MED13: variants seen among roughly 807,000 people sequenced by gnomAD.
MED13 encodes the protein mediator complex subunit 13, also known as mediator of RNA polymerase II transcription subunit 13.
Under a neutral mutation model 225.2 loss-of-function variants are expected in MED13, and 23 were observed. The observed-to-expected ratio is 0.10, with a 90% CI of 0.07 to 0.14. The LOEUF is 0.14. Ranked by LOEUF, MED13 falls within the 10% of genes least tolerant of loss-of-function variation. The pLI is 1.00. For missense variants in MED13, 2,197 were observed against 2,594.5 expected (o/e 0.85, Z 3.33); for synonymous variants, 942 against 889.2 (o/e 1.06, Z -1.06).
rs539363511 is a variant in MED13, at chr17:61,964,836, T to G, written c.4844+170A>C. On this transcript the variant is annotated intron_variant, in intron 20 of 29. Transcript: ENST00000397786. ...CTGTAATTCCAGCTACTAGGGAGGC[T>G]GAGGGAGGAGAATCACTTGAACTCG... Among the ~76,000 whole-genome samples the G allele has an allele frequency of 1.8e-4, 27 of 152,100 alleles. No individual in the cohort carries two copies. The East Asian group carries it at 5.2e-3, about 29-fold the overall frequency.
At chr17:61,997,644 G>A (rs541010297) in intron 9 of MED13, among the ~76,000 whole-genome samples, 6 of 152,102 alleles carry the variant, frequency 3.9e-5, no homozygotes, top group Non-Finnish European at 7.4e-5. Context: ...GGGCTTTGCT[G>A]AGGTCACATA....
In MED13 at chr17:61,943,276, C is replaced by T. The variant is rs1369952871; in HGVS notation, c.*3192G>A. 1.3e-5 allele frequency: 2 copies of T among 152,442 alleles called. No individual in the cohort carries two copies. The allele number at this position is 152,442 out of a possible 1,614,324, so 9.4% of individuals were successfully genotyped here. On this transcript the variant is annotated 3_prime_UTR_variant, in exon 30 of 30. Transcript: ENST00000397786. ...GTATTAACTGATTGATATGCAATGC[C>T]ATAGTGGATGAATAGCAAATTATAT...
intron 16 of MED13, among the ~76,000 whole-genome samples, 159 bp from the exon 17 acceptor site, chr17:61,973,047 A>G (rs545020341): frequency 1.3e-5 from 2 of 152,370 alleles, no homozygotes; most frequent in South Asian, 4.1e-4. Context: ...GTTCTACAAG[A>G]TGATCTGTAA....
chr17:62,048,043 C>CATATACATATACATATACATAT (rs776069700), intron 3 of MED13, among the ~76,000 whole-genome samples: 112 of 131,144 alleles, frequency 8.5e-4, no homozygotes, highest in African/African-American at 2.8e-3. Context: ...TATACATATA[C>CATATACATATACATATACATAT]ATATATATAT....
intron 4 of MED13, 96 bp from the exon 5 acceptor site, chr17:62,034,080 A>C: frequency 9.3e-7 from 1 of 1,074,742 alleles, no homozygotes; most frequent in Non-Finnish European, 1.3e-6. Flanking sequence ...TGCAATTATA[A>C]AAAAGAAAAG....
chr17:61,982,518 C>T lies in MED13; in HGVS notation c.3485G>A (p.Arg1162His), dbSNP rs536146936. The T allele has an allele frequency of 8.7e-6, 14 of 1,614,146 alleles. No homozygotes were observed. The highest frequency in any genetic ancestry group is 1.7e-5 in the Admixed American group (1 of 60,026). ...AGAGGTAGCCCTGAGAGCTTCAAAACGTTTTTCTGCTTCTTTGCCACAGTC... is the reference window on the plus strand; with the variant it reads ...AGAGGTAGCCCTGAGAGCTTCAAAATGTTTTTCTGCTTCTTTGCCACAGTC... ...NTDCGKEAEK[R>H]FEALRATSAE... Residue 1162 changes from arginine to histidine, a missense_variant, in exon 16 of 30, where the codon CGT becomes CAT. By Grantham distance (29) the Arg-to-His change is conservative (BLOSUM62 0). Coordinates refer to ENST00000397786, the MANE Select transcript of MED13 (RefSeq NM_005121.3).
intron 2 of MED13, among the ~76,000 whole-genome samples, chr17:62,062,737 T>C (rs965322810): frequency 1.4e-4 from 22 of 152,140 alleles, no homozygotes; most frequent in Admixed American, 1.4e-3. Flanking sequence ...TTCTAAACTA[T>C]TACACGACTT....
In MED13 at chr17:61,962,823, C is replaced by T; in HGVS notation, c.4993G>A (p.Gly1665Arg). Reference protein sequence around the residue: ...STNSSSVWTLGLLRCFLEMVQ... With the variant: ...STNSSSVWTLRLLRCFLEMVQ... The stretch of plus-strand genomic sequence containing the variant: ...ATTTCTAGAAAGCATCGAAGTAGCC[C>T]CAATGTCCACACACTAGAAGAGTTA... Residue 1665 changes from glycine to arginine, a missense_variant, in exon 21 of 30, where the codon GGG (glycine) becomes AGG (arginine). Physicochemically the swap from Gly to Arg is moderately radical, Grantham distance 125. This residue lies in a region of MED13 where 457 missense variants were observed against 442.2 expected (regional missense o/e 1.03). Coordinates refer to ENST00000397786, the MANE Select transcript of MED13 (RefSeq NM_005121.3). The T allele has an allele frequency of 1.2e-6, 2 of 1,613,996 alleles. No homozygotes were observed. Among genetic ancestry groups the T allele is most frequent in the Non-Finnish European group, 1.7e-6 (2 of 1,180,012 alleles).
At chr17:62,005,187 C>G (rs2080434732) in intron 9 of MED13, 1 of 152,306 alleles carries the variant, frequency 6.6e-6, no homozygotes, top group Non-Finnish European at 1.5e-5. Context: ...ACCCACCACG[C>G]CCAGCCCTAA....
intron 28 of MED13, among the ~76,000 whole-genome samples, chr17:61,950,499 T>C (rs1312387103): frequency 6.6e-6 from 1 of 151,976 alleles, no homozygotes; most frequent in East Asian, 1.9e-4. Context: ...TTCTCCTGCC[T>C]TAGCCTCCCG....
intron 16 of MED13, among the ~76,000 whole-genome samples, chr17:61,978,265 T>C (rs538760394): frequency 6.6e-6 from 1 of 152,160 alleles, no homozygotes; most frequent in Non-Finnish European, 1.5e-5. Flanking sequence ...TTTTATTTTT[T>C]TTCAGACCGA....
chr17:62,001,373 A>G (rs920853671), intron 9 of MED13, among the ~76,000 whole-genome samples: 1 of 152,166 alleles, frequency 6.6e-6, no homozygotes, highest in African/African-American at 2.4e-5. Flanking sequence ...CACTTTCTAT[A>G]TGAGTTGTCC....
At chr17:62,049,837 G>T (rs1348980678) in intron 3 of MED13, among the ~76,000 whole-genome samples, 1 of 150,516 alleles carries the variant, frequency 6.6e-6, no homozygotes, top group Non-Finnish European at 1.5e-5. Context: ...GGCTGAGGCA[G>T]GAGAATGGCG....
intron 3 of MED13, among the ~76,000 whole-genome samples, chr17:62,043,517 A>T (rs1408544959): frequency 2.6e-5 from 4 of 152,222 alleles, no homozygotes. Context: ...TTGAGATTCT[A>T]AAGCATACTC....
intron 3 of MED13, among the ~76,000 whole-genome samples, chr17:62,040,002 C>T (rs2080840017): frequency 6.6e-6 from 1 of 152,072 alleles, no homozygotes; most frequent in African/African-American, 2.4e-5. Context: ...AAACTCCCAA[C>T]CTCAAGTGAT....
chr17:62,057,415 C>T (rs2081004101), intron 2 of MED13, among the ~76,000 whole-genome samples: 1 of 152,062 alleles, frequency 6.6e-6, no homozygotes, highest in African/African-American at 2.4e-5. Context: ...ATCAAAAAAA[C>T]AGTATGCAGA....
rs2143255035 is a variant in MED13, at chr17:61,943,863, GCACTGTAACA to G, written c.*2595_*2604del. 1 of 152,618 alleles carries G rather than the reference GCACTGTAACA, an allele frequency of 6.6e-6. No homozygotes were observed. Among genetic ancestry groups the G allele is most frequent in the African/African-American group, 2.4e-5 (1 of 41,554 alleles). The allele number at this position is 152,618 out of a possible 1,614,324, so 9.5% of individuals were successfully genotyped here. On this transcript the variant is annotated 3_prime_UTR_variant, in exon 30 of 30. Transcript: ENST00000397786. ...TACCTGCACAAAAAAAAAGATGTTA[GCACTGTAACA>G]AAGAAGTCAAGGTGTTGGTAATCCA... is the stretch of plus-strand genomic sequence containing the variant.
At chr17:61,950,784 C>A in intron 28 of MED13, 41 bp downstream of exon 28, 1 of 1,570,058 alleles carries the variant, frequency 6.4e-7, no homozygotes, top group South Asian at 1.2e-5. Flanking sequence ...CTTAGGCTGT[C>A]AATCAGAATT....
chr17:62,009,590 T>C (rs900228586), intron 9 of MED13, among the ~76,000 whole-genome samples: 2 of 152,166 alleles, frequency 1.3e-5, no homozygotes, highest in Non-Finnish European at 2.9e-5. Context: ...GAGGAAAATA[T>C]AGTGCAACAG....
Sources: allele counts gnomAD v4.1 joint callset (sites outside exome capture counted in the v4.1 genomes callset), GRCh38; gene constraint gnomAD v4.1.1; regional missense constraint gnomAD v4.1.1; transcripts MANE v1.5; gene names NCBI Gene and HGNC (gene_info 2026-07-23, HGNC 2026-07-21).